The following MINDY2 variants were observed in gnomAD, a reference collection of about 807,000 sequenced individuals.
MINDY2 encodes the protein ubiquitin carboxyl-terminal hydrolase MINDY-2.
MINDY2 carries 52 observed loss-of-function variants against 68.2 expected under a neutral mutation model. The observed-to-expected ratio is 0.76, with a 90% CI of 0.61 to 0.96. The LOEUF is 0.96. Among genes scored for constraint, MINDY2 ranks in the 40% least tolerant of loss-of-function variants. The pLI is 0.00. For missense variants in MINDY2, 881 were observed against 773.4 expected (o/e 1.14, Z -1.65); for synonymous variants, 372 against 303.0 (o/e 1.23, Z -2.36).
intron 4 of MINDY2, among the ~76,000 whole-genome samples, chr15:58,813,635 G>C (rs146508358): frequency 2.6e-5 from 4 of 152,234 alleles, no homozygotes; most frequent in Non-Finnish European, 4.4e-5. Flanking sequence ...ACAGGGTCTT[G>C]CTTTGTTGCC....
chr15:58,847,560 T>A (rs2032598571), intron 7 of MINDY2, 90 bp downstream of exon 7: 2 of 1,090,260 alleles, frequency 1.8e-6, no homozygotes, highest in Non-Finnish European at 2.6e-6. Flanking sequence ...AACTAAAGAT[T>A]AATTCATCAA....
intron 4 of MINDY2, 51 bp downstream of exon 4, chr15:58,810,439 T>C: frequency 6.9e-7 from 1 of 1,441,130 alleles, no homozygotes; most frequent in Non-Finnish European, 9.3e-7. Context: ...AAAAATGTAT[T>C]AATTTGGCAA....
chr15:58,849,488 G>T (rs1296621647), intron 7 of MINDY2, among the ~76,000 whole-genome samples: 1 of 152,110 alleles, frequency 6.6e-6, no homozygotes, highest in East Asian at 1.9e-4. Context: ...CTGGACGACA[G>T]AGCAAGACTC....
At chr15:58,798,369 C>G (rs908123631) in intron 2 of MINDY2, among the ~76,000 whole-genome samples, 1 of 151,600 alleles carries the variant, frequency 6.6e-6, no homozygotes, top group Non-Finnish European at 1.5e-5. Context: ...TCGTGATCCA[C>G]CCACCTTACA....
chr15:58,771,466 G>C lies in MINDY2; in HGVS notation c.71G>C (p.Gly24Ala), dbSNP rs1484941632. The change falls in exon 1 of 9, where the codon GGT (glycine) becomes GCT (alanine). Residue 24 changes from glycine (G) to alanine (A), a missense_variant. Coordinates refer to ENST00000559228, the MANE Select transcript of MINDY2 (RefSeq NM_001040450.3). ...GVAAGPASGTGSSQEGLQETR... is the reference protein window; with the variant it reads ...GVAAGPASGTASSQEGLQETR... The stretch of plus-strand genomic sequence containing the variant: ...GCGGCCGGGCCAGCGTCAGGGACAG[G>C]TTCTTCGCAGGAAGGGCTACAGGAG... 6.2e-7 allele frequency: 1 copy of C among 1,612,582 alleles called. No individual in the cohort carries two copies. Among genetic ancestry groups the C allele is most frequent in the Non-Finnish European group, 8.5e-7 (1 of 1,179,828 alleles).
intron 1 of MINDY2, among the ~76,000 whole-genome samples, chr15:58,777,465 C>A (rs996886966): frequency 6.6e-6 from 1 of 151,972 alleles, no homozygotes; most frequent in African/African-American, 2.4e-5. Flanking sequence ...AGAGAGTAGG[C>A]GATCATTCAT....
At chr15:58,850,571 A>C (rs2032762468) in intron 7 of MINDY2, among the ~76,000 whole-genome samples, 1 of 152,196 alleles carries the variant, frequency 6.6e-6, no homozygotes, top group Non-Finnish European at 1.5e-5. Context: ...TTTTTAAAAA[A>C]TTCTTTAAAC....
chr15:58,817,078 T>C (rs146039047), intron 4 of MINDY2, among the ~76,000 whole-genome samples: 1 of 152,282 alleles, frequency 6.6e-6, no homozygotes, highest in Non-Finnish European at 1.5e-5. Context: ...AAAAACAAGA[T>C]ACAAACCTAT....
At chr15:58,782,269 A>G (rs774797262) in intron 1 of MINDY2, among the ~76,000 whole-genome samples, 60 of 152,162 alleles carry the variant, frequency 3.9e-4, no homozygotes, top group Non-Finnish European at 5.3e-4. Context: ...TAAATGCTAC[A>G]TATATACACA....
intron 6 of MINDY2, among the ~76,000 whole-genome samples, chr15:58,846,929 A>G (rs756496390): frequency 1.3e-5 from 2 of 152,174 alleles, no homozygotes; most frequent in Non-Finnish European, 2.9e-5. Context: ...GGAAAAAAAA[A>G]CAGGCAACAT....
chr15:58,843,301 C>A (rs574036773), intron 6 of MINDY2, among the ~76,000 whole-genome samples: 1 of 151,960 alleles, frequency 6.6e-6, no homozygotes, highest in African/African-American at 2.4e-5. Flanking sequence ...AGGCATGTAC[C>A]ACTACACCTG....
intron 1 of MINDY2, among the ~76,000 whole-genome samples, chr15:58,777,615 G>GA (rs1191847231): frequency 1.7e-4 from 25 of 149,980 alleles, no homozygotes; most frequent in African/African-American, 5.4e-4. Context: ...CTCTATAAAA[G>GA]AAAAAAAAAC....
Position 58,810,331 on chromosome 15 carries a change from C to A in MINDY2, c.1065C>A (p.Cys355Ter). Residue 355 changes from cysteine to a stop codon, truncating the protein, a stop_gained, in exon 4 of 9, where the codon TGC becomes TGA. Transcript: ENST00000559228. LOFTEE classifies it high-confidence loss of function. ...GAGTGTTTGAATATACACCAGAATG[C>A]ATAGTATTTGATCTTCTTGATATTC... is the stretch of plus-strand genomic sequence containing the variant. ...GVRVFEYTPE[C>*]IVFDLLDIPL... 6.2e-7 allele frequency: 1 copy of A among 1,613,504 alleles called. No homozygotes were observed. Among genetic ancestry groups the A allele is most frequent in the Non-Finnish European group, 8.5e-7 (1 of 1,179,738 alleles).
chr15:58,819,548 G>A (rs927095745), intron 4 of MINDY2, among the ~76,000 whole-genome samples: 2 of 152,080 alleles, frequency 1.3e-5, no homozygotes, highest in Non-Finnish European at 2.9e-5. Context: ...GAGTTTTGCT[G>A]TGTTACTCAG....
rs1247362730 is a variant in MINDY2 at position 58,831,039 on chromosome 15, G to GTATA, written c.1226-734_1226-733insATAT. On this transcript the variant is annotated intron_variant, in intron 5 of 8. Coordinates refer to ENST00000559228, the MANE Select transcript of MINDY2 (RefSeq NM_001040450.3). ...GTTGTGTGTGTGTGTGTGTGTGTGT[G>GTATA]TGTATATATATATATATATATGTTT... 9.6e-3 allele frequency among the ~76,000 whole-genome samples: 1,047 copies of GTATA among 109,554 alleles called. 10 individuals are homozygous for GTATA. The highest frequency in any genetic ancestry group is 0.093 in the East Asian group (280 of 3,002). 71.9% of individuals were successfully genotyped at this position (109,554 alleles called of 152,430 possible).
At chr15:58,816,340 A>G (rs1458978536) in intron 4 of MINDY2, among the ~76,000 whole-genome samples, 2 of 152,346 alleles carry the variant, frequency 1.3e-5, no homozygotes, top group Admixed American at 1.3e-4. Flanking sequence ...CAGATAATTT[A>G]GATTGTGAAG....
At chr15:58,824,253 T>A (rs1239684772) in intron 5 of MINDY2, among the ~76,000 whole-genome samples, 1 of 152,208 alleles carries the variant, frequency 6.6e-6, no homozygotes, top group Non-Finnish European at 1.5e-5. Context: ...AATATTATTA[T>A]TTCTCTGACA....
At chr15:58,810,536 C>T (rs2030163768) in intron 4 of MINDY2, 148 bp downstream of exon 4, 5 of 700,940 alleles carry the variant, frequency 7.1e-6, no homozygotes, top group Non-Finnish European at 1.1e-5. Context: ...GAACAGAGTC[C>T]TCCAGACTAC....
chr15:58,788,020 G>T (rs2140919419), intron 2 of MINDY2, 57 bp downstream of exon 2: 2 of 1,202,430 alleles, frequency 1.7e-6, no homozygotes, highest in South Asian at 2.9e-5. Context: ...TTCAAAGCTA[G>T]TTGATTACCC....
Sources: gnomAD v4.1 joint callset for allele counts (sites outside exome capture counted in the v4.1 genomes callset) on GRCh38, gnomAD v4.1.1 for gene constraint, MANE v1.5 for transcripts, NCBI Gene and HGNC (gene_info 2026-07-23, HGNC 2026-07-21) for gene names.